PLXND1: variants seen among roughly 807,000 people sequenced by gnomAD.
PLXND1 encodes plexin D1.
Under a neutral mutation model 197.7 loss-of-function variants are expected in PLXND1, and 54 were observed. That is an observed-to-expected ratio of 0.27 (90% confidence interval 0.22 to 0.34). The LOEUF is 0.34. Ranked by LOEUF, PLXND1 falls within the 10% of genes least tolerant of loss-of-function variation. The pLI is 1.00. For missense variants in PLXND1, 2,127 were observed against 2,699.2 expected, an observed-to-expected ratio of 0.79 and a Z score of 4.70; for synonymous variants, 1,180 against 1,161.2, an observed-to-expected ratio of 1.02 and a Z score of -0.33.
chr3:129,577,291 C>T lies in PLXND1; in HGVS notation c.2346+1038G>A, dbSNP rs1266164307. Among the ~76,000 whole-genome samples the T allele has an allele frequency of 2.0e-5, 3 of 152,308 alleles. No homozygotes were observed. Among genetic ancestry groups the T allele is most frequent in the African/African-American group, 7.2e-5 (3 of 41,582 alleles). ...CAGGAGGGCAGGCGCCCCTGCAGCT[C>T]GGTCAGAGTGGAGGCTGCCCCACCA... On this transcript the variant is annotated intron_variant, in intron 9 of 35. Transcript: ENST00000324093. This position sits in a 1 kb window ranked among gnomAD's most constrained non-coding sequence, Gnocchi z 5.0.
chr3:129,570,691 T>C (rs1249359791), intron 19 of PLXND1, 95 bp downstream of exon 19: 2 of 1,250,592 alleles, frequency 1.6e-6, no homozygotes, highest in Non-Finnish European at 2.3e-6. Flanking sequence ...GTGAAAACGC[T>C]CAGTGAATTC....
chr3:129,584,742 T>G (rs534065272), intron 5 of PLXND1, among the ~76,000 whole-genome samples, 180 bp from the exon 6 acceptor site: 133 of 152,280 alleles, frequency 8.7e-4, no homozygotes, highest in Middle Eastern at 3.4e-3. Flanking sequence ...GAGCCTCAGT[T>G]TCCCCAGCTG....
At chr3:129,597,902 T>G (rs1036887715) in intron 1 of PLXND1, among the ~76,000 whole-genome samples, 1 of 152,220 alleles carries the variant, frequency 6.6e-6, no homozygotes, top group African/African-American at 2.4e-5. Context: ...CCCACATGGC[T>G]GTCAGAGCTG....
chr3:129,589,307 G>GCCGGGGCCCCCCCCCC, intron 2 of PLXND1, 44 bp downstream of exon 2: 4 of 684,690 alleles, frequency 5.8e-6, no homozygotes, highest in Non-Finnish European at 7.7e-6. Flanking sequence ...TCCCAGGGGA[G>GCCGGGGCCCCCCCCCC]CCTCCCACCC....
chr3:129,559,986 C>T (rs760093034), intron 31 of PLXND1, among the ~76,000 whole-genome samples: 15 of 152,224 alleles, frequency 9.9e-5, no homozygotes, highest in African/African-American at 2.9e-4. Context: ...CACATGGAGT[C>T]GAGAACTGGA....
At chr3:129,565,292 CCTGCCACGTCCCCCGCCTGGGCT>C in intron 25 of PLXND1, 25 bp downstream of exon 25, 1 of 1,541,376 alleles carries the variant, frequency 6.5e-7, no homozygotes, top group Non-Finnish European at 9.0e-7. Flanking sequence ...CCGCTGAGTC[CCTGCCACGTCCCCCGCCTGGGCT>C]CTGTCTGTCC....
rs140515853 is a variant in PLXND1 at position 129,571,797 on chromosome 3, G to C, written c.3125C>G (p.Pro1042Arg). ...GCGCACACACACAGGCACCGGAGCC[G>C]GCAGGGCCCCCTCAGGCATGGTGCA... Reference protein sequence around the residue: ...IACTMPEGALPAPVPVCVRFE... With the variant: ...IACTMPEGALRAPVPVCVRFE... The change falls in exon 16 of 36, where the codon CCG becomes CGG. Residue 1042 changes from proline to arginine, a missense_variant. By Grantham distance (103) the Pro-to-Arg change is moderately radical (BLOSUM62 -2). Transcript: ENST00000324093. The C allele has an allele frequency of 6.2e-7, 1 of 1,613,194 alleles. No individual in the cohort carries two copies. Among genetic ancestry groups the C allele is most frequent in the South Asian group, 1.1e-5 (1 of 91,058 alleles).
chr3:129,576,558 G>A (rs887676376), intron 9 of PLXND1, among the ~76,000 whole-genome samples: 2 of 152,090 alleles, frequency 1.3e-5, no homozygotes, highest in Non-Finnish European at 2.9e-5. Flanking sequence ...CTGTCCCCTC[G>A]CCAACCGGGG....
In PLXND1 at chr3:129,571,120, G is replaced by T. The variant is rs2085219354; in HGVS notation, c.3520C>A (p.Pro1174Thr). ...RGSRFRLDYL[P>T]NPQFSTAKRE... ...TTGGCCGTAGAGAACTGTGGGTTGG[G>T]GAGGTAGTCCAGGCGGAACCTGCTG... The change falls in exon 18 of 36, where the codon CCC (proline) becomes ACC (threonine). Residue 1174 changes from proline (P) to threonine (T), a missense_variant. Pro to Thr is a conservative substitution (Grantham distance 38). Transcript: ENST00000324093. The T allele has an allele frequency of 6.2e-7, 1 of 1,614,102 alleles. No individual in the cohort carries two copies. The highest frequency in any genetic ancestry group is 1.7e-5 in the Admixed American group (1 of 60,010).
rs978592865 is a variant in PLXND1 at position 129,570,861 on chromosome 3, C to G, written c.3675G>C (p.Gln1225His). 6.2e-7 allele frequency: 1 copy of G among 1,614,068 alleles called. No individual in the cohort carries two copies. Among genetic ancestry groups the G allele is most frequent in the African/African-American group, 1.3e-5 (1 of 74,928 alleles). Residue 1225 changes from glutamine to histidine, a missense_variant, in exon 19 of 36, where the codon CAG becomes CAC. Gln to His is a conservative substitution (Grantham distance 24). Transcript: ENST00000324093. ...AGTGGATGATTCTGTCAGAGACAAT[C>G]TGGATGTCGCAGCTTACTTGGCCTA... Reference protein sequence around the residue: ...VKIGQVSCDIQIVSDRIIHCS... With the variant: ...VKIGQVSCDIHIVSDRIIHCS...
chr3:129,559,330 A>G, intron 32 of PLXND1: 10 of 321,826 alleles, frequency 3.1e-5, no homozygotes, highest in South Asian at 2.7e-4. Context: ...AGTGGAGCTG[A>G]TGGTGCCCAC....
chr3:129,557,313 C>A lies in PLXND1; in HGVS notation c.5446-90G>T. ...GGATGAGCCCTCATCCCTCCTGCCA[C>A]ATAAGTGACCTTAGCAGGCCCCCGA... On this transcript the variant is annotated intron_variant, in intron 33 of 35. Coordinates refer to ENST00000324093, the MANE Select transcript of PLXND1 (RefSeq NM_015103.3). The surrounding 1 kb of genome is among the most constrained non-coding windows in gnomAD (Gnocchi z 4.8). The A allele has an allele frequency of 6.8e-7, 1 of 1,465,156 alleles. No homozygotes were observed. The allele number at this position is 1,465,156 out of a possible 1,614,324, so 90.8% of individuals were successfully genotyped here.
At chr3:129,592,038 T>A (rs2085549405) in intron 1 of PLXND1, among the ~76,000 whole-genome samples, 1 of 152,154 alleles carries the variant, frequency 6.6e-6, no homozygotes, top group South Asian at 2.1e-4. Flanking sequence ...GTGCCTCAAA[T>A]ATCACAAGCT....
In PLXND1 at chr3:129,571,781, C is replaced by G; in HGVS notation, c.3141G>C (p.Val1047=). The G allele has an allele frequency of 1.2e-6, 2 of 1,613,330 alleles. No homozygotes were observed. Among genetic ancestry groups the G allele is most frequent in the East Asian group, 2.2e-5 (1 of 44,872 alleles). Residue 1047 remains valine, a synonymous_variant, in exon 16 of 36, where the codon GTG becomes GTC. Coordinates refer to ENST00000324093, the MANE Select transcript of PLXND1 (RefSeq NM_015103.3). ...PEGALPAPVP[V]CVRFERRGCV... ...AGCCCCGACGCTCGAAGCGCACACA[C>G]ACAGGCACCGGAGCCGGCAGGGCCC...
At position 129,575,776 on chromosome 3, in the gene PLXND1, T is replaced by A; in HGVS notation, c.2426A>T (p.Asp809Val). Residue 809 changes from aspartate (D) to valine (V), a missense_variant, in exon 10 of 36, where the codon GAC becomes GTC. Transcript: ENST00000324093. The stretch of plus-strand genomic sequence containing the variant: ...AGTCACCCCACTCACCACCACCTGG[T>A]CACAGCGTACAACAGACTCATTCAC... ...VWVNESVVRC[D>V]QVVLHTTRKS... 6.2e-7 allele frequency: 1 copy of A among 1,612,158 alleles called. No homozygotes were observed. Among genetic ancestry groups the A allele is most frequent in the Non-Finnish European group, 8.5e-7 (1 of 1,178,328 alleles).
intron 2 of PLXND1, among the ~76,000 whole-genome samples, chr3:129,587,588 C>T (rs1409031085): frequency 5.3e-5 from 8 of 152,206 alleles, no homozygotes; most frequent in African/African-American, 9.7e-5. Flanking sequence ...GCCAGTGGTC[C>T]GGACACCTCC....
At chr3:129,590,668 A>G (rs1471567224) in intron 1 of PLXND1, among the ~76,000 whole-genome samples, 1 of 152,262 alleles carries the variant, frequency 6.6e-6, no homozygotes, top group Non-Finnish European at 1.5e-5. Flanking sequence ...AGTAAACATA[A>G]TAACAGGCCA....
At chr3:129,576,661 T>A (rs2085318465) in intron 9 of PLXND1, among the ~76,000 whole-genome samples, 1 of 152,224 alleles carries the variant, frequency 6.6e-6, no homozygotes, top group Non-Finnish European at 1.5e-5. Flanking sequence ...CACCTCTGCA[T>A]GTCCCAGCTA....
intron 14 of PLXND1, 46 bp downstream of exon 14, chr3:129,572,796 T>C (rs2085255253): frequency 1.2e-6 from 2 of 1,610,862 alleles, no homozygotes; most frequent in Non-Finnish European, 1.7e-6. Context: ...CCCCCGGGAG[T>C]GTGCGTGCTG....
Sources: allele counts gnomAD v4.1 joint callset (sites outside exome capture counted in the v4.1 genomes callset), GRCh38; gene constraint gnomAD v4.1.1; non-coding constraint Gnocchi (gnomAD v3.1); transcripts MANE v1.5; gene names NCBI Gene and HGNC (gene_info 2026-07-23, HGNC 2026-07-21).